BTRC: variants seen among roughly 807,000 people sequenced by gnomAD.
The protein encoded by BTRC is beta-transducin repeat containing E3 ubiquitin protein ligase, also known as F-box/WD repeat-containing protein 1A.
In BTRC, 42 loss-of-function variants were observed where a neutral mutation model predicts 85.5. The observed-to-expected ratio is 0.49, with a 90% CI of 0.38 to 0.64. The LOEUF (loss-of-function observed/expected upper bound fraction) is 0.64. BTRC is among the 30% of genes least tolerant of loss of function. The pLI is 0.00. For synonymous variants in BTRC, 255 were observed against 263.3 expected (o/e 0.97, Z 0.30); for missense variants, 594 against 743.5 (o/e 0.80, Z 2.34).
chr10:101,434,257 C>T (rs1388614827), intron 2 of BTRC, among the ~76,000 whole-genome samples: 1 of 152,086 alleles, frequency 6.6e-6, no homozygotes, highest in East Asian at 1.9e-4. Flanking sequence ...CAGGTAGTTG[C>T]AGTTTCTTGA....
intron 1 of BTRC, among the ~76,000 whole-genome samples, chr10:101,427,335 C>T (rs535139989): frequency 5.5e-4 from 83 of 151,910 alleles, no homozygotes; most frequent in African/African-American, 1.8e-3. Context: ...CCAGGATGGT[C>T]TTGATCTCTT....
intron 1 of BTRC, among the ~76,000 whole-genome samples, chr10:101,383,976 A>T (rs1002187346): frequency 6.6e-6 from 1 of 152,254 alleles, no homozygotes; most frequent in South Asian, 2.1e-4. Flanking sequence ...CAGCCTCCCA[A>T]ATAGTTGCCG....
At chr10:101,432,367 A>G (rs996371769) in intron 2 of BTRC, among the ~76,000 whole-genome samples, 2 of 151,990 alleles carry the variant, frequency 1.3e-5, no homozygotes, top group South Asian at 2.1e-4. Context: ...AGCTCAAGTG[A>G]TCTGCCTGCC....
intron 4 of BTRC, among the ~76,000 whole-genome samples, chr10:101,510,466 C>T (rs936578591): frequency 2.0e-5 from 3 of 151,282 alleles, no homozygotes; most frequent in Non-Finnish European, 4.4e-5. Context: ...GCCGAGATCG[C>T]GCCACTGCAC....
chr10:101,552,357 A>ACT (rs559481571), intron 14 of BTRC, among the ~76,000 whole-genome samples: 1 of 132,916 alleles, frequency 7.5e-6, no homozygotes, highest in African/African-American at 2.8e-5. Context: ...AATTGTTTGT[A>ACT]TTTTTTTTTT....
At chr10:101,516,233 G>A (rs2062022059) in intron 4 of BTRC, among the ~76,000 whole-genome samples, 1 of 152,106 alleles carries the variant, frequency 6.6e-6, no homozygotes, top group Admixed American at 6.6e-5. Flanking sequence ...TGCTAAGCAT[G>A]CTTTTCATGA....
At chr10:101,368,016 G>C (rs1412381845) in intron 1 of BTRC, among the ~76,000 whole-genome samples, 3 of 152,192 alleles carry the variant, frequency 2.0e-5, no homozygotes, top group Non-Finnish European at 2.9e-5. Context: ...GCTATGGTTT[G>C]AATATAGCTT....
intron 2 of BTRC, among the ~76,000 whole-genome samples, chr10:101,431,965 G>A (rs929065760): frequency 6.6e-6 from 1 of 152,044 alleles, no homozygotes; most frequent in African/African-American, 2.4e-5. Flanking sequence ...TGTCACTAGT[G>A]GTATGATCCT....
At chr10:101,393,993 A>T (rs1943301513) in intron 1 of BTRC, among the ~76,000 whole-genome samples, 1 of 152,186 alleles carries the variant, frequency 6.6e-6, no homozygotes, top group African/African-American at 2.4e-5. Flanking sequence ...TCTAAAACTG[A>T]GTGTATAATT....
chr10:101,394,613 C>T (rs1308439944), intron 1 of BTRC, among the ~76,000 whole-genome samples: 1 of 152,176 alleles, frequency 6.6e-6, no homozygotes, highest in Non-Finnish European at 1.5e-5. Context: ...CAAACTGCCT[C>T]TTAATCTAGG....
chr10:101,485,696 T>C (rs1003487532), intron 4 of BTRC, among the ~76,000 whole-genome samples: 1 of 152,198 alleles, frequency 6.6e-6, no homozygotes, highest in Non-Finnish European at 1.5e-5. Context: ...ACCACTGATA[T>C]ATCTGACTGA....
chr10:101,456,014 A>ACACACACACT (rs1485177196), intron 2 of BTRC, among the ~76,000 whole-genome samples: 4 of 150,726 alleles, frequency 2.7e-5, no homozygotes, highest in Admixed American at 6.6e-5. Context: ...ACACACACAC[A>ACACACACACT]CACAAAATTA....
chr10:101,437,220 TTTTG>T (rs1180175564), intron 2 of BTRC, among the ~76,000 whole-genome samples: 2 of 152,196 alleles, frequency 1.3e-5, no homozygotes, highest in African/African-American at 4.8e-5. Flanking sequence ...TCAAACATGT[TTTTG>T]TTTGTTTGTG....
intron 4 of BTRC, among the ~76,000 whole-genome samples, chr10:101,496,788 A>G (rs9420831): frequency 0.37 from 56,246 of 151,816 alleles, 11,583 homozygotes; most frequent in Middle Eastern, 0.49. Flanking sequence ...ATTGGGTTTT[A>G]TGTATTTTTC....
At chr10:101,477,716 C>G (rs948827534) in intron 3 of BTRC, among the ~76,000 whole-genome samples, 9 of 152,102 alleles carry the variant, frequency 5.9e-5, no homozygotes, top group Non-Finnish European at 1.3e-4. Flanking sequence ...GTGGCGTGAT[C>G]TCAGCTCACT....
chr10:101,458,186 A>G (rs1945129786), intron 2 of BTRC, among the ~76,000 whole-genome samples: 1 of 152,232 alleles, frequency 6.6e-6, no homozygotes, highest in Admixed American at 6.5e-5. Context: ...TTGGCAATAA[A>G]AGGAAAAGAA....
intron 4 of BTRC, among the ~76,000 whole-genome samples, chr10:101,502,471 T>C (rs1303189063): frequency 2.6e-5 from 4 of 152,208 alleles, no homozygotes; most frequent in Non-Finnish European, 5.9e-5. Context: ...CTCTTTTCTG[T>C]CTTCAATTAT....
chr10:101,512,882 G>A (rs1048331280), intron 4 of BTRC, among the ~76,000 whole-genome samples: 1 of 152,160 alleles, frequency 6.6e-6, no homozygotes, highest in African/African-American at 2.4e-5. Context: ...ATGTGCAGGG[G>A]TGGCAGAAAT....
chr10:101,532,638 T>A (rs1057501494), intron 8 of BTRC, among the ~76,000 whole-genome samples: 14 of 152,072 alleles, frequency 9.2e-5, no homozygotes, highest in Middle Eastern at 3.2e-3. Flanking sequence ...AGGGTTAAAT[T>A]CTCTTCTTGA....
Sources: allele counts gnomAD v4.1 joint callset (sites outside exome capture counted in the v4.1 genomes callset), GRCh38; gene constraint gnomAD v4.1.1; transcripts MANE v1.5; gene names NCBI Gene and HGNC (gene_info 2026-07-23, HGNC 2026-07-21).